The following SHMT1 variants were observed in gnomAD, a reference collection of about 807,000 sequenced individuals.
SHMT1 encodes serine hydroxymethyltransferase 1.
SHMT1 carries 45 observed loss-of-function variants against 49.0 expected under a neutral mutation model. The observed-to-expected ratio is 0.92, with a 90% CI of 0.72 to 1.18. SHMT1 has a LOEUF of 1.18. Ranked by LOEUF, SHMT1 falls within the 50% of genes most tolerant of loss-of-function variation. The pLI, the probability that SHMT1 is intolerant of heterozygous loss-of-function variation, is 0.00. For synonymous variants in SHMT1, 232 were observed against 246.6 expected (o/e 0.94, Z 0.55); for missense variants, 541 against 612.4 (o/e 0.88, Z 1.23).
chr17:18,347,489 T>C lies in SHMT1; in HGVS notation c.519+7A>G, dbSNP rs375631761. 5 of 1,613,814 alleles carry C rather than the reference T, an allele frequency of 3.1e-6. No homozygotes were observed. The Admixed American group carries it at 8.3e-5, about 27-fold the overall frequency. On this transcript the variant is annotated splice_region_variant and intron_variant, in intron 5 of 11. Transcript: ENST00000316694. ...AAATAAAAGCTAGGAGAGAAACACA[T>C]GCTTACCTTGTAGGGCATAGATTCA...
intron 5 of SHMT1, among the ~76,000 whole-genome samples, chr17:18,344,111 C>G (rs77868585): frequency 0.015 from 2,269 of 152,002 alleles, 63 homozygotes; most frequent in African/African-American, 0.052. Flanking sequence ...TCAGAAACTA[C>G]CAGCACATCT....
At chr17:18,362,067 G>C (rs950837289) in intron 1 of SHMT1, among the ~76,000 whole-genome samples, 1 of 152,178 alleles carries the variant, frequency 6.6e-6, no homozygotes, top group Non-Finnish European at 1.5e-5. Flanking sequence ...TCTGCTCAGG[G>C]AACTAACTTG....
chr17:18,346,355 C>T (rs1212421038), intron 5 of SHMT1, among the ~76,000 whole-genome samples: 1 of 152,232 alleles, frequency 6.6e-6, no homozygotes, highest in Non-Finnish European at 1.5e-5. Context: ...GTTACCTCTT[C>T]TTCCCATTAT....
In SHMT1 at chr17:18,356,859, C is replaced by T. The variant is rs571320660; in HGVS notation, c.-19-859G>A. On this transcript the variant is annotated intron_variant, in intron 1 of 11. Coordinates refer to ENST00000316694, the MANE Select transcript of SHMT1 (RefSeq NM_004169.5). ...TCCCCACCTGCAGGGAGCCCAACTC[C>T]GCCTCCTCTCAGCCAAACTTCTCAT... Among the ~76,000 whole-genome samples, 8 of 152,222 alleles carry T rather than the reference C, an allele frequency of 5.3e-5. No homozygotes were observed. The East Asian group carries it at 1.2e-3, about 22-fold the overall frequency.
intron 2 of SHMT1, among the ~76,000 whole-genome samples, chr17:18,354,219 A>C (rs1986000675): frequency 1.3e-5 from 2 of 152,148 alleles, no homozygotes; most frequent in Admixed American, 1.3e-4. Flanking sequence ...GGGGTTCGAG[A>C]CCAGCCTGAC....
At chr17:18,334,371 G>C (rs1567771569) in intron 8 of SHMT1, among the ~76,000 whole-genome samples, 1 of 152,212 alleles carries the variant, frequency 6.6e-6, no homozygotes, top group Non-Finnish European at 1.5e-5. Context: ...TTATAGGCAT[G>C]AGCCACCGCG....
chr17:18,348,696 T>C (rs3866955), intron 3 of SHMT1: 227,322 of 583,610 alleles, frequency 0.39, 45,235 homozygotes, highest in African/African-American at 0.5. Flanking sequence ...GGGTTTTGGC[T>C]GGGAGAGGTG....
intron 11 of SHMT1, 63 bp from the exon 12 acceptor site, chr17:18,328,982 G>C: frequency 6.3e-7 from 1 of 1,597,606 alleles, no homozygotes; most frequent in South Asian, 1.1e-5. Context: ...CAATGGCTGG[G>C]GGCCGAGGCA....
At chr17:18,353,052 T>G (rs768659944) in intron 3 of SHMT1, among the ~76,000 whole-genome samples, 1 of 152,196 alleles carries the variant, frequency 6.6e-6, no homozygotes. Flanking sequence ...CAGGACAGAA[T>G]GGCAATTCCT....
chr17:18,333,288 C>T lies in SHMT1; in HGVS notation c.932G>A (p.Gly311Glu). The change falls in exon 9 of 12, where the codon GGG (glycine) becomes GAG (glutamate). Residue 311 changes from glycine to glutamate, a missense_variant and splice_region_variant. Coordinates refer to ENST00000316694, the MANE Select transcript of SHMT1 (RefSeq NM_004169.5). ...QGGPHNHAIA[G>E]VAVALKQAMT... Reference sequence around the variant, plus strand: ...AGCTTGCTTCAGTGCCACAGCAACCCCTGGACAAGAAGAGACAATGGGTCA... The same window carrying T: ...AGCTTGCTTCAGTGCCACAGCAACCTCTGGACAAGAAGAGACAATGGGTCA... The T allele has an allele frequency of 1.2e-6, 2 of 1,613,138 alleles. No individual in the cohort carries two copies. The highest frequency in any genetic ancestry group is 1.7e-6 in the Non-Finnish European group (2 of 1,179,922).
At chr17:18,330,471 G>A (rs1416697169) in intron 10 of SHMT1, 84 bp downstream of exon 10, 1 of 1,012,022 alleles carries the variant, frequency 9.9e-7, no homozygotes, top group Non-Finnish European at 1.6e-6. Context: ...TGTCCCCGGA[G>A]CCAATATATT....
chr17:18,344,471 C>T (rs914953231), intron 5 of SHMT1, among the ~76,000 whole-genome samples: 2 of 150,128 alleles, frequency 1.3e-5, no homozygotes, highest in African/African-American at 2.5e-5. Context: ...GTTTGAGACC[C>T]GCCTGGGCAA....
intron 9 of SHMT1, chr17:18,332,084 T>G (rs990179406): frequency 6.6e-6 from 1 of 152,282 alleles, no homozygotes; most frequent in East Asian, 1.9e-4. Flanking sequence ...CACTTCCTGC[T>G]GTGCGGCCAG....
Position 18,340,722 on chromosome 17 carries a change from C to T in SHMT1, c.601+10G>A, listed in dbSNP as rs759566668. ...TGGTGAACAAGGTGACTTTCCGCCC[C>T]GCGCATCACCTGCGATGATCAGCTT... On this transcript the variant is annotated intron_variant, in intron 6 of 11. Transcript: ENST00000316694. The surrounding 1 kb of genome is among the most constrained non-coding windows in gnomAD (Gnocchi z 4.5). The T allele has an allele frequency of 2.0e-5, 32 of 1,608,360 alleles. No individual in the cohort carries two copies. The highest frequency in any genetic ancestry group is 1.2e-4 in the Admixed American group (7 of 59,472).
Position 18,328,439 on chromosome 17 carries a change from T to G in SHMT1, c.*311A>C, listed in dbSNP as rs959436249. 2.5e-6 allele frequency: 1 copy of G among 401,044 alleles called. No homozygotes were observed. The highest frequency in any genetic ancestry group is 2.1e-5 in the African/African-American group (1 of 48,768). The allele number at this position is 401,044 out of a possible 1,614,324, so 24.8% of individuals were successfully genotyped here. ...TACAATCTTTCTAACAGCTTTGCCC[T>G]ACACCACCATCTAAATGATTATGAC... On this transcript the variant is annotated 3_prime_UTR_variant, in exon 12 of 12. Transcript: ENST00000316694.
At chr17:18,356,690 A>ACC (rs993396454) in intron 1 of SHMT1, among the ~76,000 whole-genome samples, 13 of 152,136 alleles carry the variant, frequency 8.5e-5, no homozygotes, top group Non-Finnish European at 1.5e-5. Context: ...AAGTTGATAA[A>ACC]CTAACACTTT....
At chr17:18,335,901 G>T (rs1567773044) in intron 7 of SHMT1, among the ~76,000 whole-genome samples, 4 of 152,114 alleles carry the variant, frequency 2.6e-5, no homozygotes, top group Admixed American at 2.6e-4. Flanking sequence ...GACTCTGGCT[G>T]GAATACTGGT....
intron 7 of SHMT1, among the ~76,000 whole-genome samples, chr17:18,339,443 C>T (rs532130538): frequency 1.1e-4 from 16 of 152,274 alleles, no homozygotes; most frequent in South Asian, 4.2e-4. Flanking sequence ...GTTCAGCAAC[C>T]GGCGCCATCC....
At chr17:18,354,892 T>A (rs1355772434) in intron 2 of SHMT1, among the ~76,000 whole-genome samples, 10,094 of 126,082 alleles carry the variant, frequency 0.08, 555 homozygotes, top group South Asian at 0.13. Context: ...AAAAAAATAA[T>A]ACAAAAAATT....
Sources: allele counts gnomAD v4.1 joint callset (sites outside exome capture counted in the v4.1 genomes callset), GRCh38; gene constraint gnomAD v4.1.1; non-coding constraint Gnocchi (gnomAD v3.1); transcripts MANE v1.5; gene names NCBI Gene and HGNC (gene_info 2026-07-23, HGNC 2026-07-21).